Variants in AOAH observed in about 807,000 individuals in gnomAD.
The protein encoded by AOAH is acyloxyacyl hydrolase.
AOAH carries 64 observed loss-of-function variants against 92.2 expected under a neutral mutation model. That is an observed-to-expected ratio of 0.69 (90% CI 0.57 to 0.86). The LOEUF is 0.86. Among genes scored for constraint, AOAH ranks in the 40% least tolerant of loss-of-function variants. The pLI, the probability that AOAH is intolerant of heterozygous loss-of-function variation, is 0.00. For synonymous variants in AOAH, 263 were observed against 254.5 expected, an observed-to-expected ratio of 1.03 and a Z score of -0.32; for missense variants, 656 against 694.6, an observed-to-expected ratio of 0.94 and a Z score of 0.62.
intron 12 of AOAH, among the ~76,000 whole-genome samples, chr7:36,591,646 T>C (rs905740748): frequency 4.6e-5 from 7 of 152,180 alleles, no homozygotes; most frequent in Non-Finnish European, 1.0e-4. Context: ...TGCTGCAGGA[T>C]TGAAGAGCTA....
intron 1 of AOAH, among the ~76,000 whole-genome samples, chr7:36,693,388 C>T (rs1356431899): frequency 6.6e-6 from 1 of 152,118 alleles, no homozygotes; most frequent in Non-Finnish European, 1.5e-5. Flanking sequence ...GTCTCATCCA[C>T]TTAAAAATGA....
At chr7:36,561,605 C>T (rs896505269) in intron 13 of AOAH, among the ~76,000 whole-genome samples, 7 of 152,112 alleles carry the variant, frequency 4.6e-5, no homozygotes, top group African/African-American at 9.7e-5. Context: ...AGTTCCAGTC[C>T]GGTGACTCCT....
In AOAH at chr7:36,688,798, T is replaced by TAC. The variant is rs370599461; in HGVS notation, c.128-2006_128-2005dup. The stretch of plus-strand genomic sequence containing the variant: ...GCAAGAGACTTTGAGTATATATATA[T>TAC]ACACACACACACACATATATTTATG... On this transcript the variant is annotated intron_variant, in intron 1 of 20. Transcript: ENST00000617537. Among the ~76,000 whole-genome samples the TAC allele has an allele frequency of 7.2e-3, 1,095 of 151,420 alleles. 8 individuals carry two copies. The highest frequency in any genetic ancestry group is 0.016 in the African/African-American group (659 of 41,160).
At position 36,628,594 on chromosome 7, in the gene AOAH, G is replaced by C. The variant is rs1478861456; in HGVS notation, c.521+3442C>G. Among the ~76,000 whole-genome samples the C allele has an allele frequency of 1.3e-5, 2 of 152,050 alleles. 1 individual carries two copies. The highest frequency in any genetic ancestry group is 2.9e-5 in the Non-Finnish European group (2 of 68,022). On this transcript the variant is annotated intron_variant, in intron 6 of 20. Transcript: ENST00000617537. The stretch of plus-strand genomic sequence containing the variant: ...AGGCGGAGCAGGCACTAGGGAGCTG[G>C]GGGCACTGAAGAGGAGCCAGGAGCA...
intron 4 of AOAH, among the ~76,000 whole-genome samples, chr7:36,647,369 A>C (rs1040807583): frequency 1.3e-5 from 2 of 152,234 alleles, no homozygotes; most frequent in Non-Finnish European, 2.9e-5. Flanking sequence ...CAGTGATTAA[A>C]GCCTTAAAAC....
At chr7:36,604,091 G>C (rs1226183876) in intron 11 of AOAH, among the ~76,000 whole-genome samples, 1 of 152,122 alleles carries the variant, frequency 6.6e-6, no homozygotes, top group Non-Finnish European at 1.5e-5. Context: ...CTCACATGGG[G>C]GCAAGGGAGC....
In AOAH at chr7:36,678,671, G is replaced by A. The variant is rs1053908085; in HGVS notation, c.224-4662C>T. ...GATGGCTGCAGGTTCCTTCCTCCCT[G>A]AGCAGAACCATTTGAATAGTTTCCG... On this transcript the variant is annotated intron_variant, in intron 2 of 20. Coordinates refer to ENST00000617537, the MANE Select transcript of AOAH (RefSeq NM_001637.4). Among the ~76,000 whole-genome samples, 7 of 150,416 alleles carry A rather than the reference G, an allele frequency of 4.7e-5. No homozygotes were observed. The East Asian group carries it at 1.4e-3, about 30-fold the overall frequency.
chr7:36,717,761 T>G (rs1287723016), intron 1 of AOAH, among the ~76,000 whole-genome samples: 2 of 133,386 alleles, frequency 1.5e-5, no homozygotes, highest in Non-Finnish European at 3.2e-5. Flanking sequence ...TAGTTTAAGT[T>G]AATTCCTGTT....
intron 19 of AOAH, among the ~76,000 whole-genome samples, chr7:36,524,686 A>G (rs1562533402): frequency 1.3e-5 from 2 of 151,778 alleles, no homozygotes; most frequent in Non-Finnish European, 1.5e-5. Flanking sequence ...GACAATAAGT[A>G]AATTAAAAGA....
intron 20 of AOAH, among the ~76,000 whole-genome samples, chr7:36,520,580 C>G (rs1784057695): frequency 6.6e-6 from 1 of 152,154 alleles, no homozygotes. Flanking sequence ...TGGCGCATGC[C>G]TGTAATCCCA....
At chr7:36,564,881 A>G (rs1787574454) in intron 13 of AOAH, among the ~76,000 whole-genome samples, 1 of 152,252 alleles carries the variant, frequency 6.6e-6, no homozygotes, top group African/African-American at 2.4e-5. Flanking sequence ...TGCATGAGTA[A>G]GTCCTAAGAA....
chr7:36,704,828 G>T (rs1031976110), intron 1 of AOAH, among the ~76,000 whole-genome samples: 3 of 152,150 alleles, frequency 2.0e-5, no homozygotes, highest in African/African-American at 7.2e-5. Flanking sequence ...GGGATGCAAG[G>T]CTGGTTCAAC....
At chr7:36,686,955 T>C (rs1797065422) in intron 1 of AOAH, among the ~76,000 whole-genome samples, 161 bp from the exon 2 acceptor site, 1 of 151,992 alleles carries the variant, frequency 6.6e-6, no homozygotes, top group Non-Finnish European at 1.5e-5. Context: ...AATGAGATAG[T>C]GCAAGGAAAA....
rs141019587 is a variant in AOAH, at chr7:36,674,094, C to G, written c.224-85G>C. 9.4e-4 allele frequency: 718 copies of G among 767,804 alleles called. 4 individuals carry two copies. The African/African-American group carries it at 0.012, about 13-fold the overall frequency. 47.6% of individuals were successfully genotyped at this position (767,804 alleles called of 1,614,324 possible). On this transcript the variant is annotated intron_variant, in intron 2 of 20. Coordinates refer to ENST00000617537, the MANE Select transcript of AOAH (RefSeq NM_001637.4). Reference sequence around the variant, plus strand: ...TAATAATGATTATCTTTGCTAGGAACTGAAGCTGAGTGATTAATTTATGAT... The same window carrying G: ...TAATAATGATTATCTTTGCTAGGAAGTGAAGCTGAGTGATTAATTTATGAT...
At chr7:36,681,465 G>A (rs1413204666) in intron 2 of AOAH, among the ~76,000 whole-genome samples, 4 of 152,060 alleles carry the variant, frequency 2.6e-5, no homozygotes, top group South Asian at 2.1e-4. Flanking sequence ...TAAAGCCTTC[G>A]CAAGGGAGGA....
chr7:36,703,126 A>G (rs1348847587), intron 1 of AOAH, among the ~76,000 whole-genome samples: 4 of 152,030 alleles, frequency 2.6e-5, no homozygotes, highest in Non-Finnish European at 4.4e-5. Context: ...ACATTTTCAG[A>G]TTTCACTTCT....
At chr7:36,583,293 C>A (rs1309675137) in intron 12 of AOAH, among the ~76,000 whole-genome samples, 1 of 152,134 alleles carries the variant, frequency 6.6e-6, no homozygotes, top group Admixed American at 6.6e-5. Flanking sequence ...AGAGACTAGA[C>A]AGGCTTTAAG....
intron 16 of AOAH, 117 bp from the exon 17 acceptor site, chr7:36,532,461 G>C: frequency 1.1e-6 from 1 of 914,956 alleles, no homozygotes; most frequent in South Asian, 1.4e-5. Context: ...GTGTTCCCCT[G>C]ATTTTTCATG....
At chr7:36,534,946 CTG>C (rs1414087727) in intron 16 of AOAH, among the ~76,000 whole-genome samples, 15 of 31,812 alleles carry the variant, frequency 4.7e-4, no homozygotes, top group African/African-American at 9.6e-4. Context: ...GTTTCTGTGT[CTG>C]TGTGTGTATC....
Sources: gnomAD v4.1 joint callset for allele counts (sites outside exome capture counted in the v4.1 genomes callset) on GRCh38, gnomAD v4.1.1 for gene constraint, MANE v1.5 for transcripts, NCBI Gene and HGNC (gene_info 2026-07-23, HGNC 2026-07-21) for gene names.